The following KLHL29 variants were observed in gnomAD, a reference collection of about 807,000 sequenced individuals.
KLHL29 encodes the protein kelch-like protein 29.
KLHL29 carries 21 observed loss-of-function variants against 80.4 expected under a neutral mutation model. The observed-to-expected ratio is 0.26, with a 90% CI of 0.19 to 0.38. KLHL29 has a LOEUF of 0.38. Ranked by LOEUF, KLHL29 falls within the 10% of genes least tolerant of loss-of-function variation. The pLI is 1.00. For synonymous variants in KLHL29, 511 were observed against 526.8 expected (o/e 0.97, Z 0.41); for missense variants, 867 against 1,223.9 (o/e 0.71, Z 4.35).
intron 2 of KLHL29, among the ~76,000 whole-genome samples, chr2:23,502,044 G>A (rs557449431): frequency 2.6e-5 from 4 of 152,178 alleles, no homozygotes; most frequent in South Asian, 2.1e-4. Flanking sequence ...TGGGCCCATC[G>A]GGTGCTGTTG....
rs146799919 is a variant in KLHL29, at chr2:23,662,234, C to A, written c.940+19384C>A. Among the ~76,000 whole-genome samples the A allele has an allele frequency of 2.7e-3, 404 of 152,324 alleles. 4 individuals are homozygous for A. Among genetic ancestry groups the A allele is most frequent in the African/African-American group, 9.3e-3 (385 of 41,566 alleles). ...GCTTCAATGGTCTTAACACAAACTT[C>A]ATCTCAGTTTTTCTGCCCTCTCACA... is the stretch of plus-strand genomic sequence containing the variant. On this transcript the variant is annotated intron_variant, in intron 5 of 13. Coordinates refer to ENST00000486442, the MANE Select transcript of KLHL29 (RefSeq NM_052920.2).
rs150067383 is a variant in KLHL29, at chr2:23,478,490, C to T, written c.-46+2823C>T. Among the ~76,000 whole-genome samples, 64 of 152,278 alleles carry T rather than the reference C, an allele frequency of 4.2e-4. 1 individual carries two copies. The highest frequency in any genetic ancestry group is 1.4e-3 in the African/African-American group (59 of 41,544). On this transcript the variant is annotated intron_variant, in intron 2 of 13. Coordinates refer to ENST00000486442, the MANE Select transcript of KLHL29 (RefSeq NM_052920.2). ...AGAGCCATGTGTGGAGGGCTGCGCT[C>T]TGCTTTTCTGTGGTTTGGTGGAAAT... is the stretch of plus-strand genomic sequence containing the variant.
chr2:23,469,979 G>C (rs571469911), intron 1 of KLHL29, among the ~76,000 whole-genome samples: 3 of 150,256 alleles, frequency 2.0e-5, no homozygotes, highest in African/African-American at 7.4e-5. Flanking sequence ...GGGTGAGTTC[G>C]AGTTCATTTC....
At chr2:23,502,088 G>T (rs1665463995) in intron 2 of KLHL29, among the ~76,000 whole-genome samples, 1 of 152,170 alleles carries the variant, frequency 6.6e-6, no homozygotes, top group African/African-American at 2.4e-5. Context: ...ATTCTTCACA[G>T]GTTGTAGTGC....
Position 23,642,646 on chromosome 2 carries a change from C to A in KLHL29, c.736C>A (p.Arg246Ser), listed in dbSNP as rs760525534. Reference protein sequence around the residue: ...STLPGVGQVARPGPTAVGNGH... With the variant: ...STLPGVGQVASPGPTAVGNGH... ...ACTGCCCGGTGTGGGGCAGGTGGCC[C>A]GCCCAGGACCCACCGCTGTGGGCAA... Residue 246 changes from arginine (R) to serine (S), a missense_variant, in exon 5 of 14, where the codon CGC (arginine) becomes AGC (serine). Transcript: ENST00000486442. The A allele has an allele frequency of 6.5e-7, 1 of 1,548,346 alleles. No individual in the cohort carries two copies. Among genetic ancestry groups the A allele is most frequent in the African/African-American group, 1.4e-5 (1 of 72,966 alleles).
intron 2 of KLHL29, among the ~76,000 whole-genome samples, chr2:23,552,761 C>CTTTTTTGTTTTTTTTTTT: frequency 1.0e-5 from 1 of 95,542 alleles, no homozygotes; most frequent in Non-Finnish European, 1.9e-5. Context: ...GGTTTCTTTT[C>CTTTTTTGTTTTTTTTTTT]TTTTTTTTTT....
At chr2:23,527,183 C>T (rs914937167) in intron 2 of KLHL29, among the ~76,000 whole-genome samples, 1 of 152,162 alleles carries the variant, frequency 6.6e-6, no homozygotes, top group Non-Finnish European at 1.5e-5. Context: ...ACGGAGGACA[C>T]GTGTGTTTCC....
intron 1 of KLHL29, among the ~76,000 whole-genome samples, chr2:23,450,431 A>C (rs531597968): frequency 1.3e-5 from 2 of 152,262 alleles, no homozygotes; most frequent in South Asian, 4.2e-4. Context: ...GCTGTGAGAC[A>C]GATCAGGAAG....
In KLHL29 at chr2:23,696,543, T is replaced by C. The variant is rs1436486180; in HGVS notation, c.2105+30T>C. The C allele has an allele frequency of 6.8e-7, 1 of 1,461,876 alleles. No homozygotes were observed. Among genetic ancestry groups the C allele is most frequent in the Admixed American group, 2.5e-5 (1 of 39,920 alleles). 90.6% of individuals were successfully genotyped at this position (1,461,876 alleles called of 1,614,324 possible). ...TGAGGCCACGGTCAGGACAGGGGCATGCTCTTTGCTCACCAAGAACTGAAA... is the reference window on the plus strand; with the variant it reads ...TGAGGCCACGGTCAGGACAGGGGCACGCTCTTTGCTCACCAAGAACTGAAA... On this transcript the variant is annotated intron_variant, in intron 11 of 13. Transcript: ENST00000486442. This position sits in a 1 kb window ranked among gnomAD's most constrained non-coding sequence, Gnocchi z 5.5.
intron 2 of KLHL29, among the ~76,000 whole-genome samples, chr2:23,555,126 C>T (rs981720841): frequency 3.4e-5 from 5 of 146,460 alleles, no homozygotes; most frequent in African/African-American, 1.3e-4. Context: ...GACCTCCCCC[C>T]CCCCCTCAAC....
chr2:23,542,696 G>T (rs1200121985), intron 2 of KLHL29, among the ~76,000 whole-genome samples: 4 of 152,216 alleles, frequency 2.6e-5, no homozygotes, highest in African/African-American at 4.8e-5. Context: ...TCTTGCAGAG[G>T]AGGGGCAGGC....
intron 1 of KLHL29, among the ~76,000 whole-genome samples, chr2:23,402,311 G>A (rs1013814905): frequency 6.6e-6 from 1 of 152,212 alleles, no homozygotes; most frequent in African/African-American, 2.4e-5. Flanking sequence ...TAAAATGTGT[G>A]GCTCAATAAA....
chr2:23,676,660 GA>G (rs1318164164), intron 5 of KLHL29, among the ~76,000 whole-genome samples: 1 of 152,228 alleles, frequency 6.6e-6, no homozygotes, highest in African/African-American at 2.4e-5. Flanking sequence ...GAGGCTTAAG[GA>G]ATGGATGGGA....
chr2:23,660,420 ATCCCTGGAC>A (rs1670372668), intron 5 of KLHL29, among the ~76,000 whole-genome samples: 2 of 151,934 alleles, frequency 1.3e-5, no homozygotes, highest in African/African-American at 2.4e-5. Flanking sequence ...CCCAGCCACC[ATCCCTGGAC>A]CCCCTGCAGC....
chr2:23,567,523 A>G (rs1263708128), intron 3 of KLHL29, among the ~76,000 whole-genome samples: 3 of 152,214 alleles, frequency 2.0e-5, no homozygotes, highest in Non-Finnish European at 4.4e-5. Context: ...ATCGGGGTGG[A>G]TATGTGTCAT....
Position 23,426,498 on chromosome 2 carries a change from C to T in KLHL29, c.-154+40718C>T, listed in dbSNP as rs78438274. Among the ~76,000 whole-genome samples the T allele has an allele frequency of 3.2e-3, 488 of 152,312 alleles. 3 individuals carry two copies. The highest frequency in any genetic ancestry group is 6.0e-3 in the Non-Finnish European group (410 of 68,034). ...GTTCTTTCTGCCCCTCGGGGTCTCC[C>T]AGTGCGCACCTGGTCCGCCTGCTAC... On this transcript the variant is annotated intron_variant, in intron 1 of 13. Coordinates refer to ENST00000486442, the MANE Select transcript of KLHL29 (RefSeq NM_052920.2).
intron 3 of KLHL29, among the ~76,000 whole-genome samples, chr2:23,595,577 A>G (rs547483654): frequency 6.6e-6 from 1 of 152,234 alleles, no homozygotes; most frequent in Non-Finnish European, 1.5e-5. Context: ...GACGCAGAGA[A>G]GGAGTGGGCA....
intron 3 of KLHL29, among the ~76,000 whole-genome samples, chr2:23,590,470 G>A (rs1264302319): frequency 6.6e-6 from 1 of 152,198 alleles, no homozygotes; most frequent in Non-Finnish European, 1.5e-5. Flanking sequence ...CCCTGCCAAA[G>A]TATGTGGGTT....
intron 1 of KLHL29, among the ~76,000 whole-genome samples, chr2:23,434,404 A>T (rs574114730): frequency 4.7e-5 from 1 of 21,380 alleles, no homozygotes; most frequent in Admixed American, 6.0e-4. Context: ...CAAAGTGCAG[A>T]GCCTTGGTTC....
Sources: allele counts gnomAD v4.1 joint callset (sites outside exome capture counted in the v4.1 genomes callset), GRCh38; gene constraint gnomAD v4.1.1; non-coding constraint Gnocchi (gnomAD v3.1); transcripts MANE v1.5; gene names NCBI Gene and HGNC (gene_info 2026-07-23, HGNC 2026-07-21).